TRIP12: variants seen among roughly 807,000 people sequenced by gnomAD.
The protein encoded by TRIP12 is E3 ubiquitin-protein ligase TRIP12.
A neutral mutation model predicts 244.2 loss-of-function variants in TRIP12; 25 were observed. The ratio of observed to expected loss-of-function variants is 0.10; its 90% CI spans 0.07 to 0.14. TRIP12 has a LOEUF of 0.14. Ranked by LOEUF, TRIP12 falls within the 10% of genes least tolerant of loss-of-function variation. The pLI is 1.00. For missense variants in TRIP12, 1,677 were observed against 2,486.4 expected (o/e 0.67, Z 6.92); for synonymous variants, 905 against 873.1 (o/e 1.04, Z -0.64).
At chr2:229,839,290 A>G (rs1472967490) in intron 5 of TRIP12, among the ~76,000 whole-genome samples, 2 of 152,178 alleles carry the variant, frequency 1.3e-5, no homozygotes, top group Non-Finnish European at 2.9e-5. Flanking sequence ...GTAGTAAGCT[A>G]TACTATCTAG....
intron 8 of TRIP12, among the ~76,000 whole-genome samples, chr2:229,827,563 G>A (rs183548505): frequency 5.3e-5 from 8 of 151,926 alleles, no homozygotes; most frequent in African/African-American, 1.9e-4. Context: ...GAAGATCATC[G>A]GTATCATTAC....
chr2:229,907,708 C>T (rs2073197476), intron 1 of TRIP12, among the ~76,000 whole-genome samples: 1 of 151,940 alleles, frequency 6.6e-6, no homozygotes. Flanking sequence ...ACAGCTAAGG[C>T]GAGAGGACCA....
rs372405080 is a variant in TRIP12 at position 229,783,989 on chromosome 2, A to G, written c.5094+1768T>C. Reference sequence around the variant, plus strand: ...GCTGGGCGTGGTGGCGCATGCCTGTAATCCCAGCTACTCTGGAGGCTGAGG... The same window carrying G: ...GCTGGGCGTGGTGGCGCATGCCTGTGATCCCAGCTACTCTGGAGGCTGAGG... On this transcript the variant is annotated intron_variant, in intron 34 of 41. Coordinates refer to ENST00000675903, the MANE Select transcript of TRIP12 (RefSeq NM_001348323.3). Among the ~76,000 whole-genome samples the G allele has an allele frequency of 4.6e-5, 7 of 151,910 alleles. No individual in the cohort carries two copies. The East Asian group carries it at 9.7e-4, about 21-fold the overall frequency.
intron 5 of TRIP12, among the ~76,000 whole-genome samples, chr2:229,838,265 T>C (rs2055356755): frequency 6.6e-6 from 1 of 152,180 alleles, no homozygotes; most frequent in Non-Finnish European, 1.5e-5. Flanking sequence ...TACAAATTAG[T>C]GGGATTCAAA....
At chr2:229,828,753 C>G (rs1489278119) in intron 8 of TRIP12, among the ~76,000 whole-genome samples, 1 of 151,886 alleles carries the variant, frequency 6.6e-6, no homozygotes, top group African/African-American at 2.4e-5. Flanking sequence ...GACGACAGAG[C>G]AAGACTCCAT....
intron 25 of TRIP12, among the ~76,000 whole-genome samples, chr2:229,795,573 T>G (rs2042597888): frequency 6.6e-6 from 1 of 152,216 alleles, no homozygotes; most frequent in African/African-American, 2.4e-5. Context: ...AAAACACAAG[T>G]CACTTGGTGG....
chr2:229,876,494 C>A (rs923146708), intron 2 of TRIP12, among the ~76,000 whole-genome samples: 1 of 152,212 alleles, frequency 6.6e-6, no homozygotes, highest in Non-Finnish European at 1.5e-5. Context: ...ACACTCTTCA[C>A]AACTGAGCAT....
At chr2:229,889,402 C>T (rs557239324) in intron 1 of TRIP12, among the ~76,000 whole-genome samples, 2 of 152,290 alleles carry the variant, frequency 1.3e-5, no homozygotes, top group African/African-American at 2.4e-5. Context: ...TGTCTTAGCT[C>T]AGATGGCTTG....
chr2:229,795,296 G>A lies in TRIP12; in HGVS notation c.3851C>T (p.Pro1284Leu), dbSNP rs765374325. 6.2e-7 allele frequency: 1 copy of A among 1,613,710 alleles called. No individual in the cohort carries two copies. The highest frequency in any genetic ancestry group is 1.7e-5 in the Admixed American group (1 of 59,974). The change falls in exon 26 of 42, where the codon CCA becomes CTA. Residue 1284 changes from proline to leucine, a missense_variant. Around this residue, in one of 11 missense-constraint regions of TRIP12, gnomAD observed 77 missense variants for 69.2 expected, o/e 1.11. Coordinates refer to ENST00000675903, the MANE Select transcript of TRIP12 (RefSeq NM_001348323.3). ...PGEEPIGRVE[P>L]VGNAPLLALV... The stretch of plus-strand genomic sequence containing the variant: ...TGCCAACAAAGGTGCATTACCCACT[G>A]GTTCCACTCTTCCAATGGGCTCTTC...
chr2:229,898,728 TCCA>T (rs993547529), intron 1 of TRIP12, among the ~76,000 whole-genome samples: 128 of 152,292 alleles, frequency 8.4e-4, no homozygotes, highest in African/African-American at 3.0e-3. Flanking sequence ...GGTCCCACTG[TCCA>T]CCAAGGCTGG....
intron 39 of TRIP12, among the ~76,000 whole-genome samples, chr2:229,770,237 G>A (rs1480064449): frequency 6.6e-6 from 1 of 152,144 alleles, no homozygotes. Flanking sequence ...CCAAAGTGCT[G>A]GGATTATAGG....
intron 1 of TRIP12, among the ~76,000 whole-genome samples, chr2:229,908,106 C>T (rs2073355727): frequency 6.6e-6 from 1 of 152,114 alleles, no homozygotes. Context: ...GCAGACTGTG[C>T]TAAGCTATAT....
At chr2:229,919,976 A>G (rs962538627) in intron 1 of TRIP12, among the ~76,000 whole-genome samples, 8 of 152,236 alleles carry the variant, frequency 5.3e-5, no homozygotes, top group Admixed American at 2.6e-4. Context: ...AATATTGATC[A>G]CTTTGCATGT....
chr2:229,874,822 C>G (rs753471381), intron 2 of TRIP12, among the ~76,000 whole-genome samples: 4 of 152,186 alleles, frequency 2.6e-5, no homozygotes, highest in African/African-American at 9.7e-5. Flanking sequence ...TCAATATGCA[C>G]TGTTTATATA....
At chr2:229,822,988 G>C (rs1373466467) in intron 8 of TRIP12, among the ~76,000 whole-genome samples, 3 of 152,120 alleles carry the variant, frequency 2.0e-5, no homozygotes, top group Non-Finnish European at 2.9e-5. Flanking sequence ...TTTAAAAACT[G>C]ATCAATAGGA....
At chr2:229,866,621 C>T (rs140882151) in intron 2 of TRIP12, among the ~76,000 whole-genome samples, 39 of 152,162 alleles carry the variant, frequency 2.6e-4, no homozygotes, top group East Asian at 2.5e-3. Context: ...AACCATTGTA[C>T]TAAGCTACTC....
At chr2:229,902,805 C>T (rs2071364325) in intron 1 of TRIP12, among the ~76,000 whole-genome samples, 1 of 152,148 alleles carries the variant, frequency 6.6e-6, no homozygotes. Context: ...TCAAATGAAA[C>T]AGAGAAAAGA....
chr2:229,833,820 A>C lies in TRIP12; in HGVS notation c.1271-2981T>G, dbSNP rs553889918. Among the ~76,000 whole-genome samples the C allele has an allele frequency of 3.3e-5, 5 of 151,772 alleles. No homozygotes were observed. The East Asian group carries it at 9.7e-4, about 29-fold the overall frequency. ...TGTTTTACAAAATTAGTTTGGTTTT[A>C]CCAAAACAAAACAAAAAAAAAACAA... is the stretch of plus-strand genomic sequence containing the variant. On this transcript the variant is annotated intron_variant, in intron 6 of 41. Coordinates refer to ENST00000675903, the MANE Select transcript of TRIP12 (RefSeq NM_001348323.3).
chr2:229,855,177 G>T (rs1331406432), intron 4 of TRIP12, among the ~76,000 whole-genome samples: 1 of 152,134 alleles, frequency 6.6e-6, no homozygotes, highest in Non-Finnish European at 1.5e-5. Context: ...TGAGATAGGA[G>T]AATCACTTGA....
Sources: allele counts gnomAD v4.1 joint callset (sites outside exome capture counted in the v4.1 genomes callset), GRCh38; gene constraint gnomAD v4.1.1; regional missense constraint gnomAD v4.1.1; transcripts MANE v1.5; gene names NCBI Gene and HGNC (gene_info 2026-07-23, HGNC 2026-07-21).